Variants in PRPSAP2 observed in about 807,000 individuals in gnomAD.
PRPSAP2 encodes the protein phosphoribosyl pyrophosphate synthetase associated protein 2.
In PRPSAP2, 24 loss-of-function variants were observed where a neutral mutation model predicts 40.6. The ratio of observed to expected loss-of-function variants is 0.59; its 90% CI spans 0.43 to 0.83. PRPSAP2 has a LOEUF of 0.83. Ranked by LOEUF, PRPSAP2 falls within the 40% of genes least tolerant of loss-of-function variation. PRPSAP2 has a pLI of 0.00. For synonymous variants in PRPSAP2, 149 were observed against 164.7 expected (o/e 0.90, Z 0.73); for missense variants, 292 against 465.6 (o/e 0.63, Z 3.43).
Position 18,867,284 on chromosome 17 carries a change from G to C in PRPSAP2, c.122G>C (p.Arg41Pro). Residue 41 changes from arginine to proline, a missense_variant and splice_region_variant, in exon 4 of 12, where the codon CGG (arginine) becomes CCG (proline). Physicochemically the swap from Arg to Pro is moderately radical, Grantham distance 103. Coordinates refer to ENST00000268835, the MANE Select transcript of PRPSAP2 (RefSeq NM_002767.4). ...CMELSKKIAE[R>P]LGVEMGKVQV... The stretch of plus-strand genomic sequence containing the variant: ...TTTTCCCCCTTTCTCTTCTCTAGGC[G>C]GCTAGGGGTGGAGATGGGCAAAGTG... The C allele has an allele frequency of 6.2e-7, 1 of 1,613,882 alleles. No homozygotes were observed. Among genetic ancestry groups the C allele is most frequent in the Non-Finnish European group, 8.5e-7 (1 of 1,179,952 alleles).
At chr17:18,916,851 G>C (rs1232037069) in intron 9 of PRPSAP2, among the ~76,000 whole-genome samples, 1 of 152,296 alleles carries the variant, frequency 6.6e-6, no homozygotes, top group Non-Finnish European at 1.5e-5. Flanking sequence ...GCAGCTCTCT[G>C]TAAGGGCACT....
chr17:18,915,993 G>C (rs1187739635), intron 9 of PRPSAP2, among the ~76,000 whole-genome samples: 1 of 151,812 alleles, frequency 6.6e-6, no homozygotes, highest in African/African-American at 2.4e-5. Flanking sequence ...CTAATTTTTT[G>C]TATTTTAGTA....
intron 5 of PRPSAP2, among the ~76,000 whole-genome samples, chr17:18,875,506 AG>A (rs1036773192): frequency 7.9e-5 from 12 of 151,844 alleles, no homozygotes; most frequent in African/African-American, 2.9e-4. Context: ...CAGAGGTTGT[AG>A]TGAGCTGAGA....
chr17:18,881,715 G>A (rs973965109), intron 6 of PRPSAP2, among the ~76,000 whole-genome samples: 27 of 151,756 alleles, frequency 1.8e-4, no homozygotes, highest in African/African-American at 6.0e-4. Context: ...TTTTTGTTTT[G>A]TAGAGGCGGG....
Position 18,926,944 on chromosome 17 carries a change from A to C in PRPSAP2, c.805-1867A>C, listed in dbSNP as rs182185449. On this transcript the variant is annotated intron_variant, in intron 10 of 11. Coordinates refer to ENST00000268835, the MANE Select transcript of PRPSAP2 (RefSeq NM_002767.4). Reference sequence around the variant, plus strand: ...CTGACATCCTTCCCACCCAATCTGCAACCCCTTGTGTCTTTGTCCACTTTG... The same window carrying C: ...CTGACATCCTTCCCACCCAATCTGCCACCCCTTGTGTCTTTGTCCACTTTG... Among the ~76,000 whole-genome samples the C allele has an allele frequency of 1.4e-3, 218 of 152,300 alleles. 1 individual carries two copies. Among genetic ancestry groups the C allele is most frequent in the African/African-American group, 5.1e-3 (211 of 41,568 alleles).
chr17:18,898,047 G>A (rs191548587), intron 8 of PRPSAP2, among the ~76,000 whole-genome samples: 6 of 128,808 alleles, frequency 4.7e-5, no homozygotes, highest in Admixed American at 9.2e-5. Context: ...TCACCAGGTT[G>A]GAGTGCAGTG....
intron 9 of PRPSAP2, among the ~76,000 whole-genome samples, chr17:18,915,700 C>T (rs1164659184): frequency 6.6e-6 from 1 of 152,098 alleles, no homozygotes; most frequent in African/African-American, 2.4e-5. Flanking sequence ...AACTAAGTGC[C>T]CTGAGAGCAA....
upstream of PRPSAP2, among the ~76,000 whole-genome samples, chr17:18,857,333 TCAAAA>T (rs2036645165): frequency 6.6e-6 from 1 of 151,550 alleles, no homozygotes; most frequent in South Asian, 2.1e-4. Context: ...AAACTCCGTC[TCAAAA>T]CAAAAAACTA....
chr17:18,928,023 A>G (rs959860503), intron 10 of PRPSAP2, among the ~76,000 whole-genome samples: 2 of 152,064 alleles, frequency 1.3e-5, no homozygotes, highest in African/African-American at 2.4e-5. Flanking sequence ...AGCTCAAGCA[A>G]TCCTCCCACC....
At chr17:18,876,556 G>T (rs1172369526) in intron 5 of PRPSAP2, among the ~76,000 whole-genome samples, 1 of 152,186 alleles carries the variant, frequency 6.6e-6, no homozygotes, top group Non-Finnish European at 1.5e-5. Context: ...ACGTATGCAG[G>T]ATGCCTCCAT....
rs115329604 is a variant in PRPSAP2 at position 18,896,905 on chromosome 17, T to C, written c.584+7028T>C. On this transcript the variant is annotated intron_variant, in intron 8 of 11. Coordinates refer to ENST00000268835, the MANE Select transcript of PRPSAP2 (RefSeq NM_002767.4). ...TTCCAATTTTTGTCTTTTGCAGAAC[T>C]GGAGAGAGAGGCATGGGAATAATGG... is the stretch of plus-strand genomic sequence containing the variant. 1.0e-2 allele frequency among the ~76,000 whole-genome samples: 1,519 copies of C among 152,268 alleles called. 22 individuals carry two copies. The highest frequency in any genetic ancestry group is 0.034 in the African/African-American group (1,427 of 41,556).
At position 18,877,744 on chromosome 17, in the gene PRPSAP2, T is replaced by G. The variant is rs757819657; in HGVS notation, c.286T>G (p.Cys96Gly). The G allele has an allele frequency of 6.2e-7, 1 of 1,613,994 alleles. No homozygotes were observed. The highest frequency in any genetic ancestry group is 8.5e-7 in the Non-Finnish European group (1 of 1,179,988). The stretch of plus-strand genomic sequence containing the variant: ...GGAGCTCCTGATCATGGTGTATGCA[T>G]GTAAGACCTCTTGTGCCAAGAGCAT... ...IMELLIMVYA[C>G]KTSCAKSIIG... The change falls in exon 6 of 12, where the codon TGT becomes GGT. Residue 96 changes from cysteine to glycine, a missense_variant. This residue lies in a region of PRPSAP2 where 241 missense variants were observed against 425.7 expected (regional missense o/e 0.57). Coordinates refer to ENST00000268835, the MANE Select transcript of PRPSAP2 (RefSeq NM_002767.4).
At chr17:18,895,179 G>C (rs2039841344) in intron 8 of PRPSAP2, among the ~76,000 whole-genome samples, 1 of 150,908 alleles carries the variant, frequency 6.6e-6, no homozygotes, top group African/African-American at 2.4e-5. Context: ...TGAATTTTTG[G>C]GCTCATGGCA....
intron 8 of PRPSAP2, among the ~76,000 whole-genome samples, chr17:18,897,515 G>A (rs1239567660): frequency 2.0e-5 from 3 of 151,158 alleles, no homozygotes; most frequent in Admixed American, 1.3e-4. Flanking sequence ...AGGCTGGAGT[G>A]CAATGGTGCC....
At chr17:18,922,654 T>A (rs1185041883) in intron 9 of PRPSAP2, among the ~76,000 whole-genome samples, 6 of 145,720 alleles carry the variant, frequency 4.1e-5, no homozygotes, top group Non-Finnish European at 9.0e-5. Flanking sequence ...ATATGGCGCA[T>A]ATATATATAT....
chr17:18,884,294 C>CT (rs2038976349), intron 7 of PRPSAP2, among the ~76,000 whole-genome samples: 1 of 151,880 alleles, frequency 6.6e-6, no homozygotes, highest in African/African-American at 2.4e-5. Context: ...CAAAAATACT[C>CT]TAACAAATTA....
chr17:18,889,920 G>T, intron 8 of PRPSAP2, 43 bp downstream of exon 8: 1 of 1,565,438 alleles, frequency 6.4e-7, no homozygotes, highest in East Asian at 2.3e-5. Flanking sequence ...CTACTTCTAA[G>T]GATTGTATCC....
intron 8 of PRPSAP2, among the ~76,000 whole-genome samples, chr17:18,904,116 C>T (rs901339574): frequency 2.0e-5 from 3 of 152,178 alleles, no homozygotes; most frequent in Non-Finnish European, 1.5e-5. Context: ...GAACCTTGGT[C>T]AAGGCTGTCT....
intron 4 of PRPSAP2, among the ~76,000 whole-genome samples, chr17:18,867,988 T>C (rs1313440317): frequency 2.0e-5 from 3 of 151,474 alleles, no homozygotes; most frequent in African/African-American, 7.3e-5. Flanking sequence ...ATACAAAAAT[T>C]AGCCAGGAGT....
Sources: allele counts gnomAD v4.1 joint callset (sites outside exome capture counted in the v4.1 genomes callset), GRCh38; gene constraint gnomAD v4.1.1; regional missense constraint gnomAD v4.1.1; transcripts MANE v1.5; gene names NCBI Gene and HGNC (gene_info 2026-07-23, HGNC 2026-07-21).